Variants in BTC observed in about 807,000 individuals in gnomAD.
BTC encodes the protein probetacellulin.
A neutral mutation model predicts 18.1 loss-of-function variants in BTC; 13 were observed. That is an observed-to-expected ratio of 0.72 (90% CI 0.47 to 1.14). The LOEUF (loss-of-function observed/expected upper bound fraction) is 1.14. Among genes scored for constraint, BTC ranks in the 50% most tolerant of loss-of-function variants. The probability of loss-of-function intolerance (pLI) is 0.00; values close to 1 mark genes in which losing one functional copy is unlikely to be tolerated. For synonymous variants in BTC, 83 were observed against 79.4 expected (o/e 1.05, Z -0.24); for missense variants, 247 against 224.2 (o/e 1.10, Z -0.65).
At chr4:74,760,291 G>A (rs548113967) in intron 2 of BTC, among the ~76,000 whole-genome samples, 57 of 152,264 alleles carry the variant, frequency 3.7e-4, no homozygotes, top group African/African-American at 1.2e-3. Flanking sequence ...TGAAATAGAC[G>A]TCTCAGGTCT....
rs1160763718 is a variant in BTC at position 74,745,542 on chromosome 4, A to C, written c.*1135T>G. 6 of 152,218 alleles carry C rather than the reference A, an allele frequency of 3.9e-5. No homozygotes were observed. Among genetic ancestry groups the C allele is most frequent in the African/African-American group, 1.4e-4 (6 of 41,464 alleles). The allele number at this position is 152,218 out of a possible 1,614,324, so 9.4% of individuals were successfully genotyped here. A position where few individuals can be genotyped will look rare whatever the true frequency, so the allele number is the denominator to read the frequency against. ...CTTTTCCAGGTTTAAAGCAGTGTTT[A>C]TTAAATATTTCATGGAGTAAAGGAG... On this transcript the variant is annotated 3_prime_UTR_variant, in exon 6 of 6. Transcript: ENST00000395743.
chr4:74,790,118 A>G (rs1725582449), intron 1 of BTC, among the ~76,000 whole-genome samples: 1 of 152,226 alleles, frequency 6.6e-6, no homozygotes, highest in African/African-American at 2.4e-5. Flanking sequence ...TAGCGGGAGC[A>G]GGAATTTGAG....
chr4:74,773,056 C>A (rs1007801116), intron 1 of BTC, among the ~76,000 whole-genome samples: 1 of 152,210 alleles, frequency 6.6e-6, no homozygotes, highest in African/African-American at 2.4e-5. Context: ...GCTCCCAAAC[C>A]AAGCAGAGCA....
intron 1 of BTC, among the ~76,000 whole-genome samples, chr4:74,784,921 A>C (rs1189619904): frequency 6.6e-6 from 1 of 152,166 alleles, no homozygotes; most frequent in East Asian, 1.9e-4. Flanking sequence ...TTTTGGTATC[A>C]GGATGATGCT....
chr4:74,767,494 T>G (rs28773846), intron 2 of BTC, among the ~76,000 whole-genome samples: 34,998 of 151,784 alleles, frequency 0.23, 5,238 homozygotes, highest in African/African-American at 0.43. Flanking sequence ...TTGTTAAAAT[T>G]TCCATACTAC....
intron 1 of BTC, among the ~76,000 whole-genome samples, chr4:74,778,032 G>A (rs1725222601): frequency 6.6e-6 from 1 of 150,418 alleles, no homozygotes; most frequent in Non-Finnish European, 1.5e-5. Context: ...CTAACGTGGA[G>A]TTTGAAAAAA....
At chr4:74,789,076 A>G (rs1280407112) in intron 1 of BTC, among the ~76,000 whole-genome samples, 1 of 152,212 alleles carries the variant, frequency 6.6e-6, no homozygotes, top group Non-Finnish European at 1.5e-5. Flanking sequence ...GACTTCCTGG[A>G]CTATCCCCAC....
chr4:74,749,745 C>CA (rs71220725), intron 4 of BTC, among the ~76,000 whole-genome samples: 17,567 of 54,264 alleles, frequency 0.32, 2,814 homozygotes, highest in East Asian at 0.41. Flanking sequence ...TCCTGCTCTG[C>CA]AAAAAAAAAA....
chr4:74,794,475 T>A lies in BTC; in HGVS notation c.-150A>T. 1.1e-6 allele frequency: 1 copy of A among 907,722 alleles called. No individual in the cohort carries two copies. The highest frequency in any genetic ancestry group is 1.6e-6 in the Non-Finnish European group (1 of 626,358). The allele number at this position is 907,722 out of a possible 1,614,324, so 56.2% of individuals were successfully genotyped here. A position where few individuals can be genotyped will look rare whatever the true frequency, so the allele number is the denominator to read the frequency against. ...CTACTTCCCAGGCTGGCACCCTGGCTACAAGGCAGGGAAACACCCAGGGCG... is the reference window on the plus strand; with the variant it reads ...CTACTTCCCAGGCTGGCACCCTGGCAACAAGGCAGGGAAACACCCAGGGCG... On this transcript the variant is annotated 5_prime_UTR_variant, in exon 1 of 6. Coordinates refer to ENST00000395743, the MANE Select transcript of BTC (RefSeq NM_001729.4).
rs187730709 is a variant in BTC at position 74,749,295 on chromosome 4, C to T, written c.429-1146G>A. Among the ~76,000 whole-genome samples, 159 of 151,886 alleles carry T rather than the reference C, an allele frequency of 1.0e-3. 1 individual carries two copies. Among genetic ancestry groups the T allele is most frequent in the East Asian group, 0.01 (53 of 5,150 alleles). On this transcript the variant is annotated intron_variant, in intron 4 of 5. Transcript: ENST00000395743. The stretch of plus-strand genomic sequence containing the variant: ...TACAAAAATTAGTTGGGTGTGGTGG[C>T]GGGCCCTTGTAATCCCAGCTACTCA...
chr4:74,752,538 C>A (rs983285640), intron 3 of BTC, among the ~76,000 whole-genome samples: 1 of 151,982 alleles, frequency 6.6e-6, no homozygotes, highest in African/African-American at 2.4e-5. Context: ...CGCCACCATG[C>A]CCAGCTAATT....
chr4:74,756,355 GTTGT>G (rs1724598619), intron 2 of BTC, among the ~76,000 whole-genome samples: 1 of 152,130 alleles, frequency 6.6e-6, no homozygotes, highest in Non-Finnish European at 1.5e-5. Context: ...TTTGGTTTTG[GTTGT>G]TTAACTTAAA....
At chr4:74,791,422 A>C (rs1725623834) in intron 1 of BTC, among the ~76,000 whole-genome samples, 1 of 152,220 alleles carries the variant, frequency 6.6e-6, no homozygotes, top group Non-Finnish European at 1.5e-5. Context: ...TCATTTTTTG[A>C]GAAAGTAAGA....
At chr4:74,748,548 T>A (rs1024730585) in intron 4 of BTC, among the ~76,000 whole-genome samples, 7 of 151,664 alleles carry the variant, frequency 4.6e-5, no homozygotes, top group African/African-American at 7.3e-5. Flanking sequence ...AAAAAAAAAA[T>A]TAGGGTTCTC....
chr4:74,783,745 T>C (rs1725401471), intron 1 of BTC, among the ~76,000 whole-genome samples: 2 of 152,170 alleles, frequency 1.3e-5, no homozygotes, highest in African/African-American at 4.8e-5. Flanking sequence ...TTCCTGTCCA[T>C]GAGCATGGAA....
chr4:74,780,394 T>C (rs1172771827), intron 1 of BTC, among the ~76,000 whole-genome samples: 1 of 152,128 alleles, frequency 6.6e-6, no homozygotes, highest in Non-Finnish European at 1.5e-5. Flanking sequence ...CAAAGGCAAA[T>C]GGAAGTGAAG....
intron 1 of BTC, among the ~76,000 whole-genome samples, chr4:74,793,023 TTGAC>T (rs1725675440): frequency 6.6e-6 from 1 of 152,210 alleles, no homozygotes. Context: ...AGGGAATACT[TTGAC>T]TGTTGGATAG....
At chr4:74,776,927 C>T (rs899094742) in intron 1 of BTC, among the ~76,000 whole-genome samples, 2 of 152,122 alleles carry the variant, frequency 1.3e-5, no homozygotes, top group Non-Finnish European at 2.9e-5. Flanking sequence ...TGATTCCTTG[C>T]CATATCATAT....
At chr4:74,768,758 ATAAAAT>A (rs1271349928) in intron 2 of BTC, among the ~76,000 whole-genome samples, 6 of 152,210 alleles carry the variant, frequency 3.9e-5, no homozygotes, top group Non-Finnish European at 8.8e-5. Context: ...TACAATAAAA[ATAAAAT>A]TAGAAAACAC....
Sources: gnomAD v4.1 joint callset for allele counts (sites outside exome capture counted in the v4.1 genomes callset) on GRCh38, gnomAD v4.1.1 for gene constraint, MANE v1.5 for transcripts, NCBI Gene and HGNC (gene_info 2026-07-23, HGNC 2026-07-21) for gene names.